EEPD1: variants seen among roughly 807,000 people sequenced by gnomAD.
EEPD1 encodes the protein endonuclease/exonuclease/phosphatase family domain-containing protein 1.
In EEPD1, 17 loss-of-function variants were observed where a neutral mutation model predicts 46.3. That is an observed-to-expected ratio of 0.37 (90% confidence interval 0.25 to 0.55). The LOEUF is 0.55. Ranked by LOEUF, EEPD1 falls within the 20% of genes least tolerant of loss-of-function variation. The pLI is 0.83. For missense variants in EEPD1, 673 were observed against 745.6 expected (o/e 0.90, Z 1.13); for synonymous variants, 313 against 315.6 (o/e 0.99, Z 0.09).
rs779402455 is a variant in EEPD1 at position 36,155,029 on chromosome 7, A to AG, written c.711dup (p.Pro238AlafsTer67). The AG allele has an allele frequency of 4.4e-6, 7 of 1,604,448 alleles. No individual in the cohort carries two copies. The highest frequency in any genetic ancestry group is 1.7e-5 in the Admixed American group (1 of 59,420). On this transcript the variant is annotated frameshift_variant, in exon 2 of 8. Coordinates refer to ENST00000242108, the MANE Select transcript of EEPD1 (RefSeq NM_030636.3). LOFTEE classifies it high-confidence loss of function. ...AGAGTGAGGACCTGGACCTGCCGCC[A>AG]GGGGGGCCCACCCAGATTATCTCCA... is the stretch of plus-strand genomic sequence containing the variant.
At chr7:36,257,607 A>G (rs1378922659) in intron 3 of EEPD1, among the ~76,000 whole-genome samples, 1 of 151,798 alleles carries the variant, frequency 6.6e-6, no homozygotes, top group African/African-American at 2.4e-5. Context: ...ATTCCACTTG[A>G]TCGATTTGGC....
chr7:36,233,479 T>C (rs934402391), intron 2 of EEPD1, among the ~76,000 whole-genome samples: 2 of 152,240 alleles, frequency 1.3e-5, no homozygotes, highest in African/African-American at 2.4e-5. Context: ...GCGCTTTCCA[T>C]GTGCCAGTTG....
chr7:36,158,451 T>C (rs192007887), intron 2 of EEPD1, among the ~76,000 whole-genome samples: 1 of 152,294 alleles, frequency 6.6e-6, no homozygotes, highest in East Asian at 1.9e-4. Context: ...CTTTAGTAGG[T>C]GTGTTTTCTT....
At chr7:36,172,664 T>G (rs1413561559) in intron 2 of EEPD1, among the ~76,000 whole-genome samples, 1 of 150,340 alleles carries the variant, frequency 6.7e-6, no homozygotes, top group Non-Finnish European at 1.5e-5. Flanking sequence ...ATCATTAGTG[T>G]TAGTGTATTT....
chr7:36,270,462 C>G (rs1210297404), intron 3 of EEPD1, among the ~76,000 whole-genome samples: 2 of 152,118 alleles, frequency 1.3e-5, no homozygotes, highest in African/African-American at 4.8e-5. Context: ...TCCCTAGCCC[C>G]CAACCCCCAA....
intron 6 of EEPD1, among the ~76,000 whole-genome samples, chr7:36,295,024 A>G (rs1338387659): frequency 6.6e-6 from 1 of 152,072 alleles, no homozygotes; most frequent in Non-Finnish European, 1.5e-5. Context: ...CTAAAAATAC[A>G]AAGATTAGCC....
chr7:36,200,923 T>C (rs748621459), intron 2 of EEPD1, among the ~76,000 whole-genome samples: 9 of 152,178 alleles, frequency 5.9e-5, no homozygotes, highest in Non-Finnish European at 7.3e-5. Flanking sequence ...ACAGCAACTT[T>C]CCATTGGAGA....
At chr7:36,189,072 T>C (rs1333777198) in intron 2 of EEPD1, among the ~76,000 whole-genome samples, 2 of 152,206 alleles carry the variant, frequency 1.3e-5, no homozygotes, top group African/African-American at 4.8e-5. Context: ...ACCAGCACCA[T>C]TGAGACATTC....
chr7:36,233,287 T>G, intron 2 of EEPD1, among the ~76,000 whole-genome samples: 1 of 152,252 alleles, frequency 6.6e-6, no homozygotes, highest in Non-Finnish European at 1.5e-5. Flanking sequence ...GTCAGTTACA[T>G]AATTCACGTA....
In EEPD1 at chr7:36,154,047, G is replaced by C. The variant is rs1784770064; in HGVS notation, c.-192-86G>C. 6 of 476,772 alleles carry C rather than the reference G, an allele frequency of 1.3e-5. No homozygotes were observed. In the South Asian group the frequency reaches 1.5e-4, roughly 12 times the overall value. The allele number at this position is 476,772 out of a possible 1,614,324, so 29.5% of individuals were successfully genotyped here. A position where few individuals can be genotyped will look rare whatever the true frequency, so the allele number is the denominator to read the frequency against. On this transcript the variant is annotated intron_variant, in intron 1 of 7. Coordinates refer to ENST00000242108, the MANE Select transcript of EEPD1 (RefSeq NM_030636.3). The surrounding 1 kb of genome is among the most constrained non-coding windows in gnomAD (Gnocchi z 4.2). The stretch of plus-strand genomic sequence containing the variant: ...GGGCAGCCACCAGTCCCCGACTCCT[G>C]GTTACTAACTCTAGCACTAGGTAGG...
At chr7:36,271,070 T>TCTG (rs1440919110) in intron 3 of EEPD1, among the ~76,000 whole-genome samples, 1 of 152,106 alleles carries the variant, frequency 6.6e-6, no homozygotes, top group Non-Finnish European at 1.5e-5. Context: ...CACTGCAACC[T>TCTG]CTGCTTCCCA....
At chr7:36,290,677 G>A (rs187736295) in intron 6 of EEPD1, among the ~76,000 whole-genome samples, 1 of 152,280 alleles carries the variant, frequency 6.6e-6, no homozygotes, top group Non-Finnish European at 1.5e-5. Context: ...TGGGGACAGG[G>A]TCTCCCTCTG....
chr7:36,205,514 G>T (rs1422888457), intron 2 of EEPD1, among the ~76,000 whole-genome samples: 1 of 152,112 alleles, frequency 6.6e-6, no homozygotes, highest in Non-Finnish European at 1.5e-5. Flanking sequence ...AGTATTTCTG[G>T]CCTCTCTGGA....
intron 2 of EEPD1, among the ~76,000 whole-genome samples, chr7:36,176,540 G>A (rs1298098084): frequency 6.6e-6 from 1 of 152,238 alleles, no homozygotes; most frequent in Non-Finnish European, 1.5e-5. Flanking sequence ...TGCAGGTAAA[G>A]TATTCTCAGG....
At chr7:36,211,417 G>A (rs138535372) in intron 2 of EEPD1, among the ~76,000 whole-genome samples, 1 of 152,054 alleles carries the variant, frequency 6.6e-6, no homozygotes, top group East Asian at 1.9e-4. Flanking sequence ...AGACAAGAAG[G>A]ATAATTTAGT....
At chr7:36,200,007 G>A (rs948942623) in intron 2 of EEPD1, among the ~76,000 whole-genome samples, 2 of 152,148 alleles carry the variant, frequency 1.3e-5, no homozygotes, top group African/African-American at 2.4e-5. Flanking sequence ...AGGGGTACAT[G>A]TGCAGGTTTG....
intron 3 of EEPD1, among the ~76,000 whole-genome samples, chr7:36,251,793 C>T (rs768273536): frequency 1.3e-5 from 2 of 151,994 alleles, no homozygotes; most frequent in African/African-American, 2.4e-5. Flanking sequence ...TTTTTGCTTT[C>T]TAGTATTAAA....
chr7:36,238,478 T>G (rs1431089436), intron 2 of EEPD1, among the ~76,000 whole-genome samples: 1 of 152,242 alleles, frequency 6.6e-6, no homozygotes, highest in Non-Finnish European at 1.5e-5. Context: ...ATATCTCATA[T>G]AAGTGGGATC....
At chr7:36,182,569 G>A (rs901352742) in intron 2 of EEPD1, among the ~76,000 whole-genome samples, 3 of 152,210 alleles carry the variant, frequency 2.0e-5, no homozygotes. Context: ...TCATTCTTTT[G>A]TCATTAACAC....
Sources: gnomAD v4.1 joint callset for allele counts (sites outside exome capture counted in the v4.1 genomes callset) on GRCh38, gnomAD v4.1.1 for gene constraint, Gnocchi (gnomAD v3.1) non-coding constraint, MANE v1.5 for transcripts, NCBI Gene and HGNC (gene_info 2026-07-23, HGNC 2026-07-21) for gene names.